NPIPA2: variants seen among roughly 807,000 people sequenced by gnomAD.
NPIPA2 encodes the protein nuclear pore complex-interacting protein family member A2.
For missense variants in NPIPA2, 3 were observed against 137.5 expected (o/e 0.02, Z 4.89); for synonymous variants, 1 against 57.3 (o/e 0.02, Z 4.44).
chr16:14,758,346 AATCTC>A (rs1962125680), intron 2 of NPIPA2, among the ~76,000 whole-genome samples: 1 of 142,310 alleles, frequency 7.0e-6, no homozygotes, highest in South Asian at 2.3e-4. Flanking sequence ...GCAATGGCAC[AATCTC>A]AGCTCACCAC....
intron 1 of NPIPA2, among the ~76,000 whole-genome samples, chr16:14,749,151 A>AT (rs1428726747): frequency 5.6e-5 from 1 of 17,762 alleles, no homozygotes; most frequent in African/African-American, 9.2e-5. Flanking sequence ...ATATATATAT[A>AT]TATATTTTTT....
chr16:14,761,310 C>A (rs1284412296), intron 4 of NPIPA2, among the ~76,000 whole-genome samples: 1 of 29,884 alleles, frequency 3.3e-5, no homozygotes, highest in East Asian at 1.3e-3. Flanking sequence ...ATTGCATTGT[C>A]AGCACCTCAC....
At chr16:14,758,521 A>T (rs1962161639) in intron 2 of NPIPA2, among the ~76,000 whole-genome samples, 1 of 109,646 alleles carries the variant, frequency 9.1e-6, no homozygotes, top group Non-Finnish European at 2.0e-5. Flanking sequence ...ACCTCAGGTG[A>T]TCCGCCTGCC....
Sources: allele counts gnomAD v4.1 joint callset (sites outside exome capture counted in the v4.1 genomes callset), GRCh38; gene constraint gnomAD v4.1.1; transcripts MANE v1.5; gene names NCBI Gene and HGNC (gene_info 2026-07-23, HGNC 2026-07-21).